The following SLC24A4 variants were observed in gnomAD, a reference collection of about 807,000 sequenced individuals.
The protein encoded by SLC24A4 is solute carrier family 24 member 4.
Under a neutral mutation model 79.0 loss-of-function variants are expected in SLC24A4, and 53 were observed. That is an observed-to-expected ratio of 0.67 (90% CI 0.54 to 0.84). The LOEUF is 0.84. Among genes scored for constraint, SLC24A4 ranks in the 40% least tolerant of loss-of-function variants. The pLI, the probability that SLC24A4 is intolerant of heterozygous loss-of-function variation, is 0.00. For missense variants in SLC24A4, 731 were observed against 822.0 expected (o/e 0.89, Z 1.35); for synonymous variants, 323 against 323.8 (o/e 1.00, Z 0.03).
At chr14:92,344,683 A>G (rs1886423730) in intron 2 of SLC24A4, among the ~76,000 whole-genome samples, 1 of 152,102 alleles carries the variant, frequency 6.6e-6, no homozygotes, top group African/African-American at 2.4e-5. Context: ...GAGGGCTGAG[A>G]CAGTGAAAGT....
chr14:92,379,828 C>T (rs781214180), intron 2 of SLC24A4, among the ~76,000 whole-genome samples: 9 of 152,146 alleles, frequency 5.9e-5, no homozygotes, highest in African/African-American at 1.4e-4. Flanking sequence ...CTTTCTGCCC[C>T]GCCAGCACAC....
intron 2 of SLC24A4, among the ~76,000 whole-genome samples, chr14:92,410,622 A>T (rs60509509): frequency 1.3e-5 from 2 of 152,132 alleles, no homozygotes; most frequent in East Asian, 3.9e-4. Flanking sequence ...CCTCTCCCAC[A>T]CCCTTTACAT....
At position 92,496,285 on chromosome 14, in the gene SLC24A4, T is replaced by A. The variant is rs2139958806; in HGVS notation, c.*2657T>A. On this transcript the variant is annotated 3_prime_UTR_variant, in exon 17 of 17. Transcript: ENST00000532405. Reference sequence around the variant, plus strand: ...ACTGTAGGTGGAAAATTCTCTTTTTTAACTAAATATTTTTCCATCACAAAT... The same window carrying A: ...ACTGTAGGTGGAAAATTCTCTTTTTAAACTAAATATTTTTCCATCACAAAT... The A allele has an allele frequency of 6.5e-6, 1 of 152,804 alleles. No individual in the cohort carries two copies. Among genetic ancestry groups the A allele is most frequent in the Non-Finnish European group, 1.5e-5 (1 of 68,036 alleles). The allele number at this position is 152,804 out of a possible 1,614,324, so 9.5% of individuals were successfully genotyped here.
At chr14:92,428,749 G>A (rs530420244) in intron 2 of SLC24A4, among the ~76,000 whole-genome samples, 9 of 152,354 alleles carry the variant, frequency 5.9e-5, no homozygotes, top group African/African-American at 1.9e-4. Flanking sequence ...GAAGCCCCTA[G>A]ACCACCAGCA....
intron 12 of SLC24A4, among the ~76,000 whole-genome samples, chr14:92,477,585 A>C (rs1301289319): frequency 6.6e-6 from 1 of 151,860 alleles, no homozygotes; most frequent in African/African-American, 2.4e-5. Context: ...TCAACCTCCC[A>C]AGTAGTTGAG....
chr14:92,403,576 C>G (rs1372052619), intron 2 of SLC24A4, among the ~76,000 whole-genome samples: 2 of 149,340 alleles, frequency 1.3e-5, no homozygotes, highest in Non-Finnish European at 3.0e-5. Flanking sequence ...CCACTGCACT[C>G]CAGCCTGGGT....
At chr14:92,411,120 G>A (rs995204191) in intron 2 of SLC24A4, among the ~76,000 whole-genome samples, 4 of 152,166 alleles carry the variant, frequency 2.6e-5, no homozygotes, top group Non-Finnish European at 5.9e-5. Flanking sequence ...GGGAGTACAG[G>A]CATTTGGTGA....
At chr14:92,423,792 G>GC (rs1891418797) in intron 2 of SLC24A4, among the ~76,000 whole-genome samples, 1 of 152,190 alleles carries the variant, frequency 6.6e-6, no homozygotes, top group Non-Finnish European at 1.5e-5. Context: ...GAGGCTGTTG[G>GC]CATGAGGCAG....
chr14:92,392,700 G>A (rs1181456075), intron 2 of SLC24A4, among the ~76,000 whole-genome samples: 1 of 152,220 alleles, frequency 6.6e-6, no homozygotes, highest in African/African-American at 2.4e-5. Context: ...TCTCCAGTGT[G>A]ACAGTGTTGA....
rs1426686220 is a variant in SLC24A4, at chr14:92,456,409, G to C, written c.1056G>C (p.Gln352His). 1.2e-6 allele frequency: 2 copies of C among 1,614,112 alleles called. No individual in the cohort carries two copies. The highest frequency in any genetic ancestry group is 2.7e-5 in the African/African-American group (2 of 74,946). ...MASRIIINER[Q>H]RLINSANGVS... ...GTTGCCTCCTGTCCACACAGCGGCA[G>C]AGACTGATCAACTCGGCCAATGGTG... The change falls in exon 12 of 17, where the codon CAG becomes CAC. Residue 352 changes from glutamine (Q) to histidine (H), a missense_variant. Physicochemically the swap from Gln to His is conservative, Grantham distance 24 (BLOSUM62 0). Transcript: ENST00000532405.
chr14:92,415,188 C>T (rs796758917), intron 2 of SLC24A4, among the ~76,000 whole-genome samples: 31 of 152,312 alleles, frequency 2.0e-4, no homozygotes, highest in African/African-American at 7.5e-4. Context: ...TTGATCTTCT[C>T]ATGAGTTGTG....
At chr14:92,431,129 G>C (rs12432008) in intron 2 of SLC24A4, among the ~76,000 whole-genome samples, 150,439 of 152,356 alleles carry the variant, frequency 0.99, 74,295 homozygotes, top group Middle Eastern at 1. Flanking sequence ...CTCCAAGAAG[G>C]CTTTGTCTTC....
At chr14:92,436,142 C>T (rs1165190233) in intron 3 of SLC24A4, among the ~76,000 whole-genome samples, 1 of 152,082 alleles carries the variant, frequency 6.6e-6, no homozygotes, top group African/African-American at 2.4e-5. Flanking sequence ...AGGAAATTTA[C>T]AATTATGGTA....
intron 2 of SLC24A4, among the ~76,000 whole-genome samples, chr14:92,334,333 T>C (rs1417486567): frequency 6.6e-6 from 1 of 152,084 alleles, no homozygotes; most frequent in East Asian, 1.9e-4. Flanking sequence ...TCACCAACCA[T>C]ACTGGACAGC....
intron 2 of SLC24A4, among the ~76,000 whole-genome samples, chr14:92,394,020 A>G (rs1889635467): frequency 6.6e-6 from 1 of 151,030 alleles, no homozygotes; most frequent in African/African-American, 2.4e-5. Flanking sequence ...CAGAAGAAAA[A>G]AAAATTATAG....
intron 1 of SLC24A4, 56 bp from the exon 2 acceptor site, chr14:92,325,812 G>T: frequency 2.8e-6 from 3 of 1,061,014 alleles, no homozygotes; most frequent in South Asian, 1.4e-5. Flanking sequence ...AGGTCATTTT[G>T]GAAACGCAGC....
rs1338559688 is a variant in SLC24A4, at chr14:92,398,068, T to C, written c.242-35844T>C. On this transcript the variant is annotated intron_variant, in intron 2 of 16. Transcript: ENST00000532405. The surrounding 1 kb of genome is among the most constrained non-coding windows in gnomAD (Gnocchi z 4.1). ...TTCTCTGTCATAGCCCTTTATCCTC[T>C]GCCTGGCCATTGGGCAGTGAGGATC... 6.6e-6 allele frequency among the ~76,000 whole-genome samples: 1 copy of C among 152,204 alleles called. No individual in the cohort carries two copies. The highest frequency in any genetic ancestry group is 1.5e-5 in the Non-Finnish European group (1 of 68,028).
chr14:92,381,512 A>T (rs1888848354), intron 2 of SLC24A4, among the ~76,000 whole-genome samples: 1 of 152,188 alleles, frequency 6.6e-6, no homozygotes, highest in African/African-American at 2.4e-5. Context: ...ATGGGTTGAT[A>T]GGTGCAGCAA....
chr14:92,445,341 TGG>T lies in SLC24A4; in HGVS notation c.683_683+1del. The T allele has an allele frequency of 6.2e-7, 1 of 1,614,076 alleles. No homozygotes were observed. Among genetic ancestry groups the T allele is most frequent in the Non-Finnish European group, 8.5e-7 (1 of 1,179,906 alleles). On this transcript the variant is annotated splice_donor_variant and coding_sequence_variant, in exon 8 of 17. Transcript: ENST00000532405. LOFTEE classifies it high-confidence loss of function. The stretch of plus-strand genomic sequence containing the variant: ...GTTCATATATGATGAACAAATTGTG[TGG>T]TAAGTTTTTCAAGTGTAGTTTTCAT...
Sources: allele counts gnomAD v4.1 joint callset (sites outside exome capture counted in the v4.1 genomes callset), GRCh38; gene constraint gnomAD v4.1.1; non-coding constraint Gnocchi (gnomAD v3.1); transcripts MANE v1.5; gene names NCBI Gene and HGNC (gene_info 2026-07-23, HGNC 2026-07-21).